Variants in XIRP2 observed in about 807,000 individuals in gnomAD.
XIRP2 encodes xin actin-binding repeat-containing protein 2.
XIRP2 carries 236 observed loss-of-function variants against 277.0 expected under a neutral mutation model. That is an observed-to-expected ratio of 0.85 (90% CI 0.77 to 0.95). The LOEUF is 0.95. XIRP2 is among the 40% of genes least tolerant of loss of function. The pLI is 0.00. For synonymous variants in XIRP2, 1,490 were observed against 1,416.5 expected, an observed-to-expected ratio of 1.05 and a Z score of -1.17; for missense variants, 4,640 against 4,157.5, an observed-to-expected ratio of 1.12 and a Z score of -3.19.
intron 5 of XIRP2, 33 bp from the exon 6 acceptor site, chr2:167,239,822 T>G (rs778343657): frequency 3.9e-6 from 6 of 1,553,494 alleles, no homozygotes; most frequent in Non-Finnish European, 5.2e-6. Flanking sequence ...TTACTTTTCT[T>G]AAGGCATTGT....
chr2:166,898,734 A>T (rs1388664283), intron 1 of XIRP2, among the ~76,000 whole-genome samples: 1 of 152,024 alleles, frequency 6.6e-6, no homozygotes, highest in East Asian at 1.9e-4. Context: ...CTACTACCAC[A>T]CAGATCTCCC....
intron 2 of XIRP2, among the ~76,000 whole-genome samples, chr2:166,930,951 A>T (rs1049349412): frequency 1.3e-5 from 2 of 152,162 alleles, no homozygotes; most frequent in Non-Finnish European, 2.9e-5. Context: ...TACAAATATG[A>T]TTGCTAATTC....
chr2:167,090,894 GACA>G (rs748692972), intron 2 of XIRP2, among the ~76,000 whole-genome samples: 39 of 152,062 alleles, frequency 2.6e-4, no homozygotes, highest in Admixed American at 6.5e-5. Flanking sequence ...GGCCCCACCT[GACA>G]ACACCACCCT....
intron 3 of XIRP2, among the ~76,000 whole-genome samples, chr2:167,162,117 C>T (rs73019977): frequency 0.099 from 15,060 of 152,218 alleles, 802 homozygotes; most frequent in South Asian, 0.16. Flanking sequence ...AATTTCATTC[C>T]CTGTATCATT....
intron 3 of XIRP2, among the ~76,000 whole-genome samples, chr2:167,138,637 A>T (rs977864654): frequency 1.3e-5 from 2 of 152,210 alleles, no homozygotes; most frequent in African/African-American, 4.8e-5. Context: ...GACTTAGACC[A>T]TATGTCATTA....
At chr2:167,030,007 G>A (rs1188974255) in intron 2 of XIRP2, among the ~76,000 whole-genome samples, 3 of 152,120 alleles carry the variant, frequency 2.0e-5, no homozygotes. Flanking sequence ...GCATAGAGGT[G>A]TTTGTAGTAT....
At chr2:167,088,991 A>C (rs1690060957) in intron 2 of XIRP2, among the ~76,000 whole-genome samples, 1 of 152,156 alleles carries the variant, frequency 6.6e-6, no homozygotes. Flanking sequence ...CTGGCATGTA[A>C]TTAGCACTCA....
chr2:166,905,185 C>T (rs1684486487), intron 2 of XIRP2, among the ~76,000 whole-genome samples: 1 of 151,878 alleles, frequency 6.6e-6, no homozygotes, highest in South Asian at 2.1e-4. Flanking sequence ...GGGTACACAA[C>T]AAAGATAGTT....
chr2:167,033,841 C>CATCAATACT (rs1342207701), intron 2 of XIRP2, among the ~76,000 whole-genome samples: 2 of 152,068 alleles, frequency 1.3e-5, no homozygotes, highest in Non-Finnish European at 2.9e-5. Flanking sequence ...TGAGGTATTT[C>CATCAATACT]ATCAATACTA....
intron 2 of XIRP2, among the ~76,000 whole-genome samples, chr2:167,024,731 G>C (rs986183850): frequency 6.6e-6 from 1 of 152,058 alleles, no homozygotes; most frequent in Non-Finnish European, 1.5e-5. Context: ...TTTGTCTTTG[G>C]TTCTGTTTAT....
intron 3 of XIRP2, among the ~76,000 whole-genome samples, chr2:167,201,320 CGAAGGAAGGAAGGAAGGAAGGAAAGAAG>C (rs1559018545): frequency 1.1e-5 from 1 of 92,200 alleles, no homozygotes; most frequent in Non-Finnish European, 1.9e-5. Flanking sequence ...AAGGAAAGAA[CGAAGGAAGGAAGGAAGGAAGGAAAGAAG>C]GAAGGAAGGA....
At chr2:167,177,392 G>A (rs1297140827) in intron 3 of XIRP2, among the ~76,000 whole-genome samples, 1 of 152,092 alleles carries the variant, frequency 6.6e-6, no homozygotes, top group Non-Finnish European at 1.5e-5. Context: ...AATGTTTTCT[G>A]TTGCAATTTC....
At chr2:166,911,839 T>C (rs933166582) in intron 2 of XIRP2, among the ~76,000 whole-genome samples, 7 of 152,206 alleles carry the variant, frequency 4.6e-5, no homozygotes, top group Non-Finnish European at 7.3e-5. Context: ...TGCTTGTCTG[T>C]AAAGTATTTT....
At chr2:167,032,363 C>CT (rs1688388041) in intron 2 of XIRP2, among the ~76,000 whole-genome samples, 1 of 152,044 alleles carries the variant, frequency 6.6e-6, no homozygotes, top group Admixed American at 6.6e-5. Flanking sequence ...AAAACCTAGG[C>CT]AATACCATTC....
At chr2:166,930,260 G>A (rs1398729531) in intron 2 of XIRP2, among the ~76,000 whole-genome samples, 3 of 152,078 alleles carry the variant, frequency 2.0e-5, no homozygotes, top group Non-Finnish European at 4.4e-5. Context: ...CAGTGATCTG[G>A]CCACAACATC....
chr2:167,095,775 T>C (rs1690291939), intron 2 of XIRP2, among the ~76,000 whole-genome samples: 1 of 151,578 alleles, frequency 6.6e-6, no homozygotes, highest in African/African-American at 2.4e-5. Context: ...TGAAATTTCC[T>C]TTTTTGTTGT....
At chr2:167,209,111 A>G (rs982882506) in intron 3 of XIRP2, among the ~76,000 whole-genome samples, 1 of 152,210 alleles carries the variant, frequency 6.6e-6, no homozygotes, top group Non-Finnish European at 1.5e-5. Context: ...TGTCATAAAC[A>G]TAATCAACAT....
chr2:166,926,352 A>G (rs1685188757), intron 2 of XIRP2, among the ~76,000 whole-genome samples: 1 of 152,020 alleles, frequency 6.6e-6, no homozygotes, highest in Non-Finnish European at 1.5e-5. Flanking sequence ...CTGTACCTCC[A>G]TTTCCACCTA....
Position 167,198,483 on chromosome 2 carries a change from G to A in XIRP2, c.563-12252G>A, listed in dbSNP as rs984845937. ...TGTGAAAGTACAAATATATGAACAAGAGGCCAATTACCTTTTCACTTAAAG... is the reference window on the plus strand; with the variant it reads ...TGTGAAAGTACAAATATATGAACAAAAGGCCAATTACCTTTTCACTTAAAG... On this transcript the variant is annotated intron_variant, in intron 3 of 10. Transcript: ENST00000409195. Among the ~76,000 whole-genome samples the A allele has an allele frequency of 5.9e-5, 9 of 152,288 alleles. No individual in the cohort carries two copies. The East Asian group carries it at 1.7e-3, about 29-fold the overall frequency.
Sources: allele counts gnomAD v4.1 joint callset (sites outside exome capture counted in the v4.1 genomes callset), GRCh38; gene constraint gnomAD v4.1.1; transcripts MANE v1.5; gene names NCBI Gene and HGNC (gene_info 2026-07-23, HGNC 2026-07-21).